The following NUDT7 variants were observed in gnomAD, a reference collection of about 807,000 sequenced individuals.
NUDT7 encodes the protein nudix hydrolase 7.
Under a neutral mutation model 13.1 loss-of-function variants are expected in NUDT7, and 19 were observed. The observed-to-expected ratio is 1.45, with a 90% CI of 1.01 to 2.13. The LOEUF (loss-of-function observed/expected upper bound fraction) is 2.13, where lower values mean the gene tolerates loss of function less well. NUDT7 is among the 30% of genes most tolerant of loss of function. The pLI, the probability that NUDT7 is intolerant of heterozygous loss-of-function variation, is 0.00. For synonymous variants in NUDT7, 132 were observed against 109.7 expected, an observed-to-expected ratio of 1.20 and a Z score of -1.27; for missense variants, 360 against 291.7, an observed-to-expected ratio of 1.23 and a Z score of -1.71.
chr16:77,730,628 G>A (rs191956858), intron 2 of NUDT7, among the ~76,000 whole-genome samples: 2 of 152,278 alleles, frequency 1.3e-5, no homozygotes, highest in East Asian at 3.9e-4. Context: ...TATATAACCA[G>A]TAGTGGGATT....
At chr16:77,733,987 A>G (rs745484591) in intron 2 of NUDT7, among the ~76,000 whole-genome samples, 2 of 152,108 alleles carry the variant, frequency 1.3e-5, no homozygotes, top group Non-Finnish European at 2.9e-5. Context: ...AGAGATAAGA[A>G]AGGGGGTAAT....
In NUDT7 at chr16:77,735,807, C is replaced by T. The variant is rs374642808; in HGVS notation, c.190-21C>T. The T allele has an allele frequency of 1.1e-4, 172 of 1,606,706 alleles. No homozygotes were observed. The East Asian group carries it at 1.7e-3, about 16-fold the overall frequency. On this transcript the variant is annotated intron_variant, in intron 2 of 3. Transcript: ENST00000268533. ...CCAAAATTAGAATCCCACATTGTAG[C>T]GCTGTTCTTTCTATATCCAGCTAAG...
chr16:77,725,632 G>A, intron 2 of NUDT7, 48 bp downstream of exon 2: 1 of 1,562,956 alleles, frequency 6.4e-7, no homozygotes, highest in Non-Finnish European at 8.7e-7. Context: ...GACATCAGAA[G>A]ACCTCACGAG....
chr16:77,723,990 C>T (rs1016626471), intron 1 of NUDT7, among the ~76,000 whole-genome samples: 1 of 152,154 alleles, frequency 6.6e-6, no homozygotes, highest in Non-Finnish European at 1.5e-5. Context: ...ATCAGCTGTT[C>T]CTTTTCTAGG....
chr16:77,735,940 C>G lies in NUDT7; in HGVS notation c.302C>G (p.Pro101Arg), dbSNP rs761947865. The G allele has an allele frequency of 4.3e-6, 7 of 1,613,950 alleles. No homozygotes were observed. In the East Asian group the frequency reaches 1.6e-4, roughly 36 times the overall value. ...REAQEEVGLR[P>R]HQVEVVCCLV... ...GCCCAGGAGGAAGTGGGTCTCCGTC[C>G]TCACCAAGTGGAAGTTGTCTGCTGC... is the stretch of plus-strand genomic sequence containing the variant. The change falls in exon 3 of 4, where the codon CCT becomes CGT. Residue 101 changes from proline (P) to arginine (R), a missense_variant. Coordinates refer to ENST00000268533, the MANE Select transcript of NUDT7 (RefSeq NM_001105663.3).
intron 2 of NUDT7, among the ~76,000 whole-genome samples, chr16:77,730,075 AC>A (rs2014269510): frequency 6.6e-6 from 1 of 152,132 alleles, no homozygotes; most frequent in South Asian, 2.1e-4. Flanking sequence ...TAACACACAT[AC>A]CTCATATGGT....
rs759307951 is a variant in NUDT7, at chr16:77,735,992, G to A, written c.348+6G>A. 1 of 1,613,578 alleles carries A rather than the reference G, an allele frequency of 6.2e-7. No individual in the cohort carries two copies. The highest frequency in any genetic ancestry group is 8.5e-7 in the Non-Finnish European group (1 of 1,179,630). ...TGGTGCCATGTCTTATTGATGTAAGGGTTTCCTGAGACACTCATGAGCACC... is the reference window on the plus strand; with the variant it reads ...TGGTGCCATGTCTTATTGATGTAAGAGTTTCCTGAGACACTCATGAGCACC... On this transcript the variant is annotated splice_donor_region_variant and intron_variant, in intron 3 of 3. Coordinates refer to ENST00000268533, the MANE Select transcript of NUDT7 (RefSeq NM_001105663.3).
chr16:77,725,968 G>T (rs964517694), intron 2 of NUDT7, among the ~76,000 whole-genome samples: 1 of 152,088 alleles, frequency 6.6e-6, no homozygotes, highest in African/African-American at 2.4e-5. Flanking sequence ...ACACACCTTT[G>T]TCCCTTTGTC....
At chr16:77,728,891 G>C (rs2014225959) in intron 2 of NUDT7, among the ~76,000 whole-genome samples, 1 of 148,874 alleles carries the variant, frequency 6.7e-6, no homozygotes. Context: ...TATCGGTCCT[G>C]CTCTTCTCCC....
chr16:77,729,386 A>G lies in NUDT7; in HGVS notation c.189+3802A>G, dbSNP rs530430837. 1.1e-4 allele frequency among the ~76,000 whole-genome samples: 16 copies of G among 152,320 alleles called. No individual in the cohort carries two copies. The South Asian group carries it at 2.7e-3, about 26-fold the overall frequency. On this transcript the variant is annotated intron_variant, in intron 2 of 3. Coordinates refer to ENST00000268533, the MANE Select transcript of NUDT7 (RefSeq NM_001105663.3). ...CTACCTCACATCATAGTAACATACT[A>G]CTTCACATAGTAACATATCACCACA...
rs373275587 is a variant in NUDT7 at position 77,739,737 on chromosome 16, T to C, written c.349-1845T>C. On this transcript the variant is annotated intron_variant, in intron 3 of 3. Coordinates refer to ENST00000268533, the MANE Select transcript of NUDT7 (RefSeq NM_001105663.3). ...CTCTGACAACACTTGGCAGCTTTCT[T>C]CTGAATACTGGTACCCTTGATACTG... Among the ~76,000 whole-genome samples, 45 of 152,222 alleles carry C rather than the reference T, an allele frequency of 3.0e-4. 1 individual carries two copies. The highest frequency in any genetic ancestry group is 1.1e-3 in the African/African-American group (44 of 41,536).
intron 2 of NUDT7, among the ~76,000 whole-genome samples, chr16:77,727,577 G>T (rs541522640): frequency 4.6e-5 from 7 of 152,344 alleles, no homozygotes; most frequent in East Asian, 1.9e-4. Context: ...AGATATGGCC[G>T]TGTGCGGTGG....
chr16:77,723,610 T>TTTTTTTTA (rs10680695), intron 1 of NUDT7, among the ~76,000 whole-genome samples: 1 of 139,682 alleles, frequency 7.2e-6, no homozygotes, highest in Admixed American at 7.3e-5. Flanking sequence ...TTTTTTTTTT[T>TTTTTTTTA]GAGACAGAGT....
chr16:77,735,733 TG>T, intron 2 of NUDT7, 94 bp from the exon 3 acceptor site: 1 of 1,151,576 alleles, frequency 8.7e-7, no homozygotes, highest in Non-Finnish European at 1.3e-6. Context: ...GAATGGTCTC[TG>T]GTACAAAATA....
At chr16:77,726,259 T>C (rs982104261) in intron 2 of NUDT7, among the ~76,000 whole-genome samples, 1 of 152,202 alleles carries the variant, frequency 6.6e-6, no homozygotes, top group Non-Finnish European at 1.5e-5. Context: ...GGACAAAATA[T>C]TAGTAACTGC....
At chr16:77,726,839 A>C (rs924128751) in intron 2 of NUDT7, among the ~76,000 whole-genome samples, 3 of 152,114 alleles carry the variant, frequency 2.0e-5, no homozygotes, top group African/African-American at 7.2e-5. Flanking sequence ...GAGTCTGGGT[A>C]ATTTATAAAG....
chr16:77,729,230 TA>T (rs2014236931), intron 2 of NUDT7, among the ~76,000 whole-genome samples: 1 of 152,228 alleles, frequency 6.6e-6, no homozygotes, highest in Non-Finnish European at 1.5e-5. Context: ...TTTTCTTTTT[TA>T]AAAACAAAAT....
In NUDT7 at chr16:77,741,872, A is replaced by G. The variant is rs551181072; in HGVS notation, c.639A>G (p.Gln213=). The G allele has an allele frequency of 2.0e-5, 32 of 1,614,130 alleles. No individual in the cohort carries two copies. Among genetic ancestry groups the G allele is most frequent in the Non-Finnish European group, 2.5e-5 (29 of 1,180,022 alleles). Residue 213 remains glutamine, a synonymous_variant, in exon 4 of 4, where the codon CAA becomes CAG. Transcript: ENST00000268533. ...AAAAAAAACCCACCTTTGAGGTTCA[A>G]TTTAATCTTAATGATGTATTAGCAT... The part of the protein sequence containing the change: ...ILEKKPTFEV[Q]FNLNDVLASS...
chr16:77,731,477 G>A (rs547120112), intron 2 of NUDT7, among the ~76,000 whole-genome samples: 1 of 152,260 alleles, frequency 6.6e-6, no homozygotes, highest in Non-Finnish European at 1.5e-5. Context: ...TGATGCTGGT[G>A]TAAACAAACC....
Sources: allele counts gnomAD v4.1 joint callset (sites outside exome capture counted in the v4.1 genomes callset), GRCh38; gene constraint gnomAD v4.1.1; transcripts MANE v1.5; gene names NCBI Gene and HGNC (gene_info 2026-07-23, HGNC 2026-07-21).